The following ZNF536 variants were observed in gnomAD, a reference collection of about 807,000 sequenced individuals.
The protein encoded by ZNF536 is zinc finger protein 536.
In ZNF536, 13 loss-of-function variants were observed where a neutral mutation model predicts 84.5. The observed-to-expected ratio is 0.15, with a 90% CI of 0.10 to 0.24. ZNF536 has a LOEUF of 0.24. ZNF536 is among the 10% of genes least tolerant of loss of function. The pLI is 1.00. For synonymous variants in ZNF536, 811 were observed against 742.5 expected, an observed-to-expected ratio of 1.09 and a Z score of -1.50; for missense variants, 1,536 against 1,747.5, an observed-to-expected ratio of 0.88 and a Z score of 2.16.
At chr19:30,580,808 C>T (rs896607395) in intron 1 of ZNF536, among the ~76,000 whole-genome samples, 5 of 152,200 alleles carry the variant, frequency 3.3e-5, no homozygotes, top group Middle Eastern at 3.2e-3. Flanking sequence ...GCAACTCCAG[C>T]TCCTGGCTGC....
At chr19:30,677,141 A>G (rs1390824650) in intron 1 of ZNF536, among the ~76,000 whole-genome samples, 1 of 152,238 alleles carries the variant, frequency 6.6e-6, no homozygotes, top group Non-Finnish European at 1.5e-5. Flanking sequence ...ACCTTGGCTC[A>G]TACCTGCTGG....
At chr19:30,282,336 G>A (rs1360733068) in intron 1 of ZNF536, among the ~76,000 whole-genome samples, 4 of 152,208 alleles carry the variant, frequency 2.6e-5, no homozygotes, top group South Asian at 2.1e-4. Context: ...ATGTAGCCAC[G>A]AGGCTTGTGC....
chr19:30,299,876 G>A (rs1422033591), intron 2 of ZNF536, among the ~76,000 whole-genome samples: 1 of 151,990 alleles, frequency 6.6e-6, no homozygotes, highest in Non-Finnish European at 1.5e-5. Flanking sequence ...GGAAATTGCT[G>A]CTTTTTTATA....
At chr19:30,545,911 TA>T (rs1403585525) in intron 3 of ZNF536, among the ~76,000 whole-genome samples, 4 of 152,216 alleles carry the variant, frequency 2.6e-5, no homozygotes, top group Admixed American at 6.5e-5. Flanking sequence ...GGTGCATTTC[TA>T]AAACACAGCC....
chr19:30,695,091 A>T (rs1226393450), intron 1 of ZNF536, among the ~76,000 whole-genome samples: 1 of 152,090 alleles, frequency 6.6e-6, no homozygotes, highest in African/African-American at 2.4e-5. Context: ...GACCCCCTGG[A>T]ACACAGAGCA....
chr19:30,656,998 G>T (rs536909240), intron 1 of ZNF536, among the ~76,000 whole-genome samples: 54 of 152,308 alleles, frequency 3.5e-4, no homozygotes, highest in African/African-American at 1.3e-3. Flanking sequence ...CGGCCCTTTT[G>T]CAGGGACACT....
chr19:30,636,177 C>A (rs759467938), intron 1 of ZNF536, among the ~76,000 whole-genome samples: 1 of 152,198 alleles, frequency 6.6e-6, no homozygotes, highest in Non-Finnish European at 1.5e-5. Flanking sequence ...GACCACCTAA[C>A]AGGAGCTGGC....
At chr19:30,425,434 T>C (rs970678311) in intron 1 of ZNF536, among the ~76,000 whole-genome samples, 3 of 152,180 alleles carry the variant, frequency 2.0e-5, no homozygotes, top group Non-Finnish European at 2.9e-5. Flanking sequence ...GAGACCTGTA[T>C]TGACTCATAT....
chr19:30,556,889 G>A lies in ZNF536; in HGVS notation c.3896-268G>A, dbSNP rs1421512188. The stretch of plus-strand genomic sequence containing the variant: ...CAACCTCTTTGGTTTCGGATGTTGT[G>A]TGCAAAGCCCAGGGTTCAAATAAGC... On this transcript the variant is annotated intron_variant, in intron 4 of 4. Coordinates refer to ENST00000355537, the MANE Select transcript of ZNF536 (RefSeq NM_014717.3). The A allele has an allele frequency of 1.1e-5, 4 of 365,050 alleles. 1 individual carries two copies. Among genetic ancestry groups the A allele is most frequent in the Non-Finnish European group, 1.9e-5 (4 of 209,588 alleles). 22.6% of individuals were successfully genotyped at this position (365,050 alleles called of 1,614,324 possible).
chr19:30,621,251 C>T (rs751664098), intron 1 of ZNF536, among the ~76,000 whole-genome samples: 3 of 151,908 alleles, frequency 2.0e-5, no homozygotes, highest in Non-Finnish European at 2.9e-5. Flanking sequence ...TATTATTAGA[C>T]TTTTTTTCCC....
downstream of ZNF536, among the ~76,000 whole-genome samples, chr19:30,562,006 C>T (rs1449883341): frequency 6.6e-6 from 1 of 152,154 alleles, no homozygotes; most frequent in African/African-American, 2.4e-5. Flanking sequence ...AAGTGCATGG[C>T]CTCTCAGCTT....
At chr19:30,323,038 C>T (rs907010488) in intron 2 of ZNF536, among the ~76,000 whole-genome samples, 1 of 152,134 alleles carries the variant, frequency 6.6e-6, no homozygotes, top group African/African-American at 2.4e-5. Flanking sequence ...AAGCCAAGAC[C>T]CTGGGGCCCT....
chr19:30,342,414 A>C (rs1319298360), intron 2 of ZNF536, among the ~76,000 whole-genome samples: 1 of 152,182 alleles, frequency 6.6e-6, no homozygotes. Flanking sequence ...TCATGTATTC[A>C]AACAAATGTG....
rs2045005699 is a variant in ZNF536, at chr19:30,534,904, A to G, written c.2228A>G (p.Asp743Gly). 6.2e-7 allele frequency: 1 copy of G among 1,613,908 alleles called. No individual in the cohort carries two copies. The highest frequency in any genetic ancestry group is 8.5e-7 in the Non-Finnish European group (1 of 1,179,868). ...GTCCAGCAACCAGCGCTGCTTCGCG[A>G]CAGAAGCCTGGGCTCGGCCATGAAG... ...AGVQQPALLR[D>G]RSLGSAMKDC... Residue 743 changes from aspartate (D) to glycine (G), a missense_variant, in exon 3 of 5, where the codon GAC becomes GGC. By Grantham distance (94) the Asp-to-Gly change is moderately conservative. This residue lies in a region of ZNF536 where 148 missense variants were observed against 205.4 expected (regional missense o/e 0.72). Transcript: ENST00000355537.
chr19:30,315,292 T>A (rs2046641868), intron 2 of ZNF536, among the ~76,000 whole-genome samples: 1 of 152,134 alleles, frequency 6.6e-6, no homozygotes, highest in Non-Finnish European at 1.5e-5. Flanking sequence ...TCATAACAGT[T>A]TATAGGGCAT....
chr19:30,258,799 C>G (rs1488146750), intron 1 of ZNF536, among the ~76,000 whole-genome samples: 1 of 151,810 alleles, frequency 6.6e-6, no homozygotes, highest in Non-Finnish European at 1.5e-5. Context: ...TTCACTGCAA[C>G]CTCTGCCTCC....
At chr19:30,389,149 G>C (rs1311530434) in intron 1 of ZNF536, among the ~76,000 whole-genome samples, 2 of 152,204 alleles carry the variant, frequency 1.3e-5, no homozygotes, top group Non-Finnish European at 2.9e-5. Flanking sequence ...AGTTCACCCA[G>C]TCCGCACACG....
At chr19:30,578,732 G>A (rs8109875) in intron 1 of ZNF536, among the ~76,000 whole-genome samples, 16,337 of 152,256 alleles carry the variant, frequency 0.11, 2,655 homozygotes, top group African/African-American at 0.35. Context: ...GAGCAGGAAG[G>A]ACAACTTGAG....
intron 1 of ZNF536, among the ~76,000 whole-genome samples, chr19:30,383,683 C>T (rs12982414): frequency 0.023 from 315 of 13,572 alleles, 19 homozygotes; most frequent in African/African-American, 0.044. Flanking sequence ...TTCCTTTCTT[C>T]CTTCCTTTCT....
Sources: allele counts gnomAD v4.1 joint callset (sites outside exome capture counted in the v4.1 genomes callset), GRCh38; gene constraint gnomAD v4.1.1; regional missense constraint gnomAD v4.1.1; transcripts MANE v1.5; gene names NCBI Gene and HGNC (gene_info 2026-07-23, HGNC 2026-07-21).